The following DHCR24 variants were observed in gnomAD, a reference collection of about 807,000 sequenced individuals.
DHCR24 encodes the protein delta(24)-sterol reductase.
DHCR24 carries 28 observed loss-of-function variants against 61.2 expected under a neutral mutation model. The observed-to-expected ratio is 0.46, with a 90% CI of 0.34 to 0.63. The LOEUF is 0.63. Among genes scored for constraint, DHCR24 ranks in the 20% least tolerant of loss-of-function variants. The pLI is 0.01. For missense variants in DHCR24, 538 were observed against 679.1 expected, an observed-to-expected ratio of 0.79 and a Z score of 2.31; for synonymous variants, 261 against 275.9, an observed-to-expected ratio of 0.95 and a Z score of 0.54.
At chr1:54,881,180 T>G (rs1044216960) in intron 2 of DHCR24, among the ~76,000 whole-genome samples, 3 of 152,168 alleles carry the variant, frequency 2.0e-5, no homozygotes, top group African/African-American at 7.2e-5. Flanking sequence ...GCTTCTGGTT[T>G]TCAAAAGAGA....
intron 6 of DHCR24, among the ~76,000 whole-genome samples, chr1:54,856,930 T>A (rs1646910947): frequency 6.6e-6 from 1 of 152,228 alleles, no homozygotes; most frequent in African/African-American, 2.4e-5. Flanking sequence ...TCACTGTCAT[T>A]CATTCTGATA....
At chr1:54,852,780 C>G (rs1329517189) in intron 8 of DHCR24, among the ~76,000 whole-genome samples, 1 of 152,096 alleles carries the variant, frequency 6.6e-6, no homozygotes, top group East Asian at 1.9e-4. Flanking sequence ...ATGCATGCAA[C>G]CAAGGACTCC....
At chr1:54,874,632 C>A (rs1275500393) in intron 4 of DHCR24, among the ~76,000 whole-genome samples, 1 of 152,132 alleles carries the variant, frequency 6.6e-6, no homozygotes, top group African/African-American at 2.4e-5. Context: ...CATGACTGTA[C>A]CTCACAGTGT....
At chr1:54,878,713 T>C (rs1250657861) in intron 2 of DHCR24, among the ~76,000 whole-genome samples, 4 of 151,878 alleles carry the variant, frequency 2.6e-5, no homozygotes, top group East Asian at 1.9e-4. Context: ...ATCTAAAAAA[T>C]TGAGACCCAG....
chr1:54,876,011 C>T lies in DHCR24; in HGVS notation c.424G>A (p.Val142Met). Residue 142 changes from valine (V) to methionine (M), a missense_variant, in exon 3 of 9, where the codon GTG becomes ATG. Coordinates refer to ENST00000371269, the MANE Select transcript of DHCR24 (RefSeq NM_014762.4). ...RVEPLVTMGQ[V>M]TALLTSIGWT... ...CCAATGGAGGTCAGCAGGGCAGTCACCTGGCCCATGGTCACCAAGGGCTCC... is the reference window on the plus strand; with the variant it reads ...CCAATGGAGGTCAGCAGGGCAGTCATCTGGCCCATGGTCACCAAGGGCTCC... The T allele has an allele frequency of 1.2e-6, 2 of 1,614,022 alleles. No homozygotes were observed. The highest frequency in any genetic ancestry group is 1.3e-5 in the African/African-American group (1 of 75,034).
At chr1:54,875,042 C>T in intron 4 of DHCR24, 51 bp downstream of exon 4, 1 of 1,517,174 alleles carries the variant, frequency 6.6e-7, no homozygotes, top group Non-Finnish European at 9.2e-7. Flanking sequence ...ACCTCAGGAT[C>T]CTTAATGCCC....
chr1:54,886,824 C>A, intron 1 of DHCR24, 65 bp downstream of exon 1: 4 of 1,579,328 alleles, frequency 2.5e-6, no homozygotes, highest in Non-Finnish European at 3.4e-6. Context: ...CGCCACCTCG[C>A]GTCCCGCTAT....
chr1:54,867,911 G>A (rs918636419), intron 5 of DHCR24, among the ~76,000 whole-genome samples: 8 of 152,190 alleles, frequency 5.3e-5, no homozygotes, highest in African/African-American at 1.9e-4. Context: ...TGTTTGCATA[G>A]TGCTAAAGTC....
intron 3 of DHCR24, 134 bp from the exon 4 acceptor site, chr1:54,875,345 A>C (rs1468706538): frequency 2.6e-6 from 2 of 778,858 alleles, no homozygotes; most frequent in African/African-American, 1.7e-5. Flanking sequence ...GACTTAGGGG[A>C]GATTTCCCAC....
intron 5 of DHCR24, 46 bp from the exon 6 acceptor site, chr1:54,865,492 A>G (rs1372507686): frequency 6.2e-7 from 1 of 1,612,236 alleles, no homozygotes; most frequent in Non-Finnish European, 8.5e-7. Flanking sequence ...ACAAGCGCCC[A>G]GCACCATCGG....
Position 54,883,468 on chromosome 1 carries a change from A to C in DHCR24, c.387+150T>G. 9.8e-7 allele frequency: 1 copy of C among 1,015,554 alleles called. No individual in the cohort carries two copies. Among genetic ancestry groups the C allele is most frequent in the Non-Finnish European group, 1.5e-6 (1 of 646,902 alleles). The allele number at this position is 1,015,554 out of a possible 1,614,324, so 62.9% of individuals were successfully genotyped here. On this transcript the variant is annotated intron_variant, in intron 2 of 8. Coordinates refer to ENST00000371269, the MANE Select transcript of DHCR24 (RefSeq NM_014762.4). This position sits in a 1 kb window ranked among gnomAD's most constrained non-coding sequence, Gnocchi z 4.3. The stretch of plus-strand genomic sequence containing the variant: ...CCCCTGGTGGCTGTGAGGCTTGAGG[A>C]CAGCAATGGCAGGGAGTATCTTCTA...
rs1425319138 is a variant in DHCR24 at position 54,849,700 on chromosome 1, T to C, written c.*2533A>G. The C allele has an allele frequency of 1.3e-5, 2 of 152,670 alleles. No individual in the cohort carries two copies. Among genetic ancestry groups the C allele is most frequent in the South Asian group, 2.1e-4 (1 of 4,826 alleles). The allele number at this position is 152,670 out of a possible 1,614,324, so 9.5% of individuals were successfully genotyped here. On this transcript the variant is annotated 3_prime_UTR_variant, in exon 9 of 9. Coordinates refer to ENST00000371269, the MANE Select transcript of DHCR24 (RefSeq NM_014762.4). ...CCATGGGGACATGTCTTCCAGACAG[T>C]AGACACAGTGCCTGTGGCTGTAAGA...
chr1:54,870,494 A>G (rs685920), intron 5 of DHCR24, among the ~76,000 whole-genome samples: 78,989 of 152,064 alleles, frequency 0.52, 21,392 homozygotes, highest in South Asian at 0.7. Flanking sequence ...AGTCCCTTAC[A>G]TAAAATGATT....
chr1:54,886,832 T>C lies in DHCR24; in HGVS notation c.231+57A>G, dbSNP rs1647101264. 13 of 1,522,276 alleles carry C rather than the reference T, an allele frequency of 8.5e-6. No homozygotes were observed. In the South Asian group the frequency reaches 1.1e-4, roughly 13 times the overall value. 94.3% of individuals were successfully genotyped at this position (1,522,276 alleles called of 1,614,324 possible). A position where few individuals can be genotyped will look rare whatever the true frequency, so the allele number is the denominator to read the frequency against. ...CTCCCGTCGCCACCTCGCGTCCCGC[T>C]ATCCCCGCGCACGCCGCCTCCGGCC... On this transcript the variant is annotated intron_variant, in intron 1 of 8. Coordinates refer to ENST00000371269, the MANE Select transcript of DHCR24 (RefSeq NM_014762.4).
Position 54,853,325 on chromosome 1 carries a change from G to C in DHCR24, c.1397+109C>G, listed in dbSNP as rs762818225. 665 of 1,432,468 alleles carry C rather than the reference G, an allele frequency of 4.6e-4. 2 individuals carry two copies. The highest frequency in any genetic ancestry group is 5.8e-4 in the Non-Finnish European group (604 of 1,033,524). 88.7% of individuals were successfully genotyped at this position (1,432,468 alleles called of 1,614,324 possible). A position where few individuals can be genotyped will look rare whatever the true frequency, so the allele number is the denominator to read the frequency against. ...CAGCTGCAGGGGCCCTAAGGAACCAGTTGATAGGCTTGGGGCTCCTGGTTC... is the reference window on the plus strand; with the variant it reads ...CAGCTGCAGGGGCCCTAAGGAACCACTTGATAGGCTTGGGGCTCCTGGTTC... On this transcript the variant is annotated intron_variant, in intron 8 of 8. Transcript: ENST00000371269.
chr1:54,879,587 G>A (rs1647054526), intron 2 of DHCR24, among the ~76,000 whole-genome samples: 1 of 152,044 alleles, frequency 6.6e-6, no homozygotes, highest in Non-Finnish European at 1.5e-5. Flanking sequence ...AACTAGATGA[G>A]AAAAAGGAGG....
At position 54,875,210 on chromosome 1, in the gene DHCR24, C is replaced by T. The variant is rs570771910; in HGVS notation, c.495G>A (p.Gly165=). The T allele has an allele frequency of 6.2e-6, 10 of 1,614,100 alleles. No homozygotes were observed. The Admixed American group carries it at 8.3e-5, about 13-fold the overall frequency. The change falls in exon 4 of 9, where the codon GGG becomes GGA. Residue 165 remains glycine (G), a splice_region_variant and synonymous_variant. Transcript: ENST00000371269. ...VLPELDDLTV[G]GLIMGTGIES... ...CGATGCCTGTGCCCATGATCAAGCC[C>T]CCTGCAGAGACATCACACACAGTGT...
At chr1:54,880,789 A>G (rs1647060080) in intron 2 of DHCR24, among the ~76,000 whole-genome samples, 1 of 151,466 alleles carries the variant, frequency 6.6e-6, no homozygotes, top group African/African-American at 2.4e-5. Flanking sequence ...TAAACAAACA[A>G]ACAAACAAAC....
chr1:54,883,834 C>T lies in DHCR24; in HGVS notation c.232-61G>A, dbSNP rs1259998357. ...TGGGAATCCCCAGAGCAGCCTGCAG[C>T]CCTGCTTTCTTCAAGGGCGAGCTGG... On this transcript the variant is annotated intron_variant, in intron 1 of 8. Transcript: ENST00000371269. This position sits in a 1 kb window ranked among gnomAD's most constrained non-coding sequence, Gnocchi z 4.3. The T allele has an allele frequency of 4.3e-6, 7 of 1,609,374 alleles. No individual in the cohort carries two copies. The East Asian group carries it at 1.3e-4, about 31-fold the overall frequency.
Sources: allele counts gnomAD v4.1 joint callset (sites outside exome capture counted in the v4.1 genomes callset), GRCh38; gene constraint gnomAD v4.1.1; non-coding constraint Gnocchi (gnomAD v3.1); transcripts MANE v1.5; gene names NCBI Gene and HGNC (gene_info 2026-07-23, HGNC 2026-07-21).